Variants in DNAH3 observed in about 807,000 individuals in gnomAD.
DNAH3 encodes the protein dynein axonemal heavy chain 3.
In DNAH3, 332 loss-of-function variants were observed where a neutral mutation model predicts 432.5. That is an observed-to-expected ratio of 0.77 (90% CI 0.70 to 0.84). The LOEUF is 0.84. DNAH3 is among the 40% of genes least tolerant of loss of function. The pLI, the probability that DNAH3 is intolerant of heterozygous loss-of-function variation, is 0.00. For synonymous variants in DNAH3, 1,956 were observed against 1,900.2 expected (o/e 1.03, Z -0.76); for missense variants, 4,861 against 5,114.0 (o/e 0.95, Z 1.51).
intron 28 of DNAH3, among the ~76,000 whole-genome samples, chr16:21,052,131 A>T (rs2152744288): frequency 6.6e-6 from 1 of 152,236 alleles, no homozygotes; most frequent in Non-Finnish European, 1.5e-5. Context: ...AGCTGGGATT[A>T]TAGGCGCACG....
exon 28 of DNAH3, chr16:21,054,513 C>G (rs749568373): frequency 1.9e-6 from 3 of 1,614,064 alleles, no homozygotes; most frequent in East Asian, 4.5e-5. Context: ...GCAATCTGAT[C>G]ATTGCTCTTT....
intron 49 of DNAH3, among the ~76,000 whole-genome samples, chr16:20,981,499 C>T (rs1049946645): frequency 2.0e-5 from 3 of 151,984 alleles, no homozygotes; most frequent in South Asian, 2.1e-4. Flanking sequence ...TTTGGGAGGC[C>T]GAGGTGGGCA....
chr16:20,959,671 T>C (rs1397491945), intron 53 of DNAH3, among the ~76,000 whole-genome samples: 1 of 144,722 alleles, frequency 6.9e-6, no homozygotes, highest in African/African-American at 2.6e-5. Flanking sequence ...ACACAAAAGG[T>C]GGGGTTCACA....
chr16:21,105,838 G>A (rs2091932577), intron 15 of DNAH3, among the ~76,000 whole-genome samples: 1 of 152,122 alleles, frequency 6.6e-6, no homozygotes. Context: ...TCTGCATTTG[G>A]AAGTGACTTT....
rs776744687 is a variant in DNAH3, at chr16:20,948,608, C to T, written c.11218G>A (p.Asp3740Asn). The T allele has an allele frequency of 1.9e-6, 3 of 1,614,154 alleles. No homozygotes were observed. The highest frequency in any genetic ancestry group is 2.2e-5 in the East Asian group (1 of 44,876). The change falls in exon 57 of 62, where the codon GAT becomes AAT. Residue 3740 changes from aspartate (D) to asparagine (N), a missense_variant. Coordinates refer to ENST00000261383, the Ensembl canonical transcript of DNAH3. ...AGCAGGAGACGCCGGTCTTTGTCAT[C>T]AGTCACTCTGCCTCCGTAATTACAT...
In DNAH3 at chr16:20,987,970, C is replaced by G. The variant is rs146628898; in HGVS notation, c.6697G>C (p.Gly2233Arg). ...AAAAACATCACATCAAACCCTTTCC[C>G]GAAGTGCCAGTCAACAATCGAACTG... The change falls in exon 45 of 62, where the codon GGG becomes CGG. Residue 2233 changes from glycine to arginine, a missense_variant. By Grantham distance (125) the Gly-to-Arg change is moderately radical. Transcript: ENST00000261383. 1.9e-6 allele frequency: 3 copies of G among 1,614,154 alleles called. No individual in the cohort carries two copies. In the South Asian group the frequency reaches 3.3e-5, roughly 18 times the overall value.
At chr16:21,140,046 A>G (rs1329606215) in intron 5 of DNAH3, among the ~76,000 whole-genome samples, 1 of 151,292 alleles carries the variant, frequency 6.6e-6, no homozygotes, top group African/African-American at 2.4e-5. Context: ...CGGCCTCCCA[A>G]AGTGCTGGGA....
At chr16:21,086,759 T>C in intron 19 of DNAH3, 90 bp downstream of exon 19, 1 of 1,154,934 alleles carries the variant, frequency 8.7e-7, no homozygotes, top group Non-Finnish European at 1.3e-6. Flanking sequence ...AAGGAGAAGC[T>C]TGACCTAGTA....
intron 31 of DNAH3, among the ~76,000 whole-genome samples, chr16:21,045,282 C>T (rs1005168010): frequency 1.1e-4 from 16 of 151,692 alleles, no homozygotes; most frequent in South Asian, 4.2e-4. Flanking sequence ...TGGTAGAATT[C>T]GGCTGTGAAT....
intron 1 of DNAH3, among the ~76,000 whole-genome samples, chr16:21,147,929 C>G (rs923990916): frequency 3.9e-5 from 6 of 152,194 alleles, no homozygotes; most frequent in Non-Finnish European, 8.8e-5. Flanking sequence ...TTGGCCTGGA[C>G]TTATTGAGAG....
chr16:20,943,398 T>A (rs911115424), intron 58 of DNAH3, among the ~76,000 whole-genome samples: 4 of 151,896 alleles, frequency 2.6e-5, no homozygotes, highest in South Asian at 2.1e-4. Flanking sequence ...TTAAAAAAAA[T>A]TTTTTTGTAG....
At chr16:20,986,307 C>A (rs1295534498) in intron 47 of DNAH3, among the ~76,000 whole-genome samples, 2 of 151,830 alleles carry the variant, frequency 1.3e-5, no homozygotes, top group African/African-American at 4.8e-5. Flanking sequence ...GACTTCAAGA[C>A]CAGCCTGGGC....
At chr16:20,985,881 A>T (rs965938101) in intron 47 of DNAH3, among the ~76,000 whole-genome samples, 166 bp from the exon 48 acceptor site, 1 of 151,738 alleles carries the variant, frequency 6.6e-6, no homozygotes, top group Non-Finnish European at 1.5e-5. Flanking sequence ...TTTGAGACAG[A>T]GTCTCACTCT....
chr16:21,151,669 G>C (rs1346845511), intron 1 of DNAH3, among the ~76,000 whole-genome samples: 1 of 152,072 alleles, frequency 6.6e-6, no homozygotes, highest in Non-Finnish European at 1.5e-5. Context: ...GGGATAGTTT[G>C]ATCACCCAAC....
chr16:21,048,819 G>C (rs1405446628), intron 31 of DNAH3, among the ~76,000 whole-genome samples: 2 of 151,520 alleles, frequency 1.3e-5, no homozygotes, highest in African/African-American at 2.4e-5. Flanking sequence ...TCAGCCTCCC[G>C]AGTAGCTGGG....
intron 22 of DNAH3, among the ~76,000 whole-genome samples, chr16:21,070,101 C>T (rs567876483): frequency 2.6e-5 from 4 of 152,206 alleles, no homozygotes; most frequent in Admixed American, 2.6e-4. Flanking sequence ...CACAGGAGGC[C>T]AAACCCCTAT....
At chr16:20,972,446 G>A (rs1238110159) in intron 51 of DNAH3, among the ~76,000 whole-genome samples, 1 of 151,798 alleles carries the variant, frequency 6.6e-6, no homozygotes, top group East Asian at 1.9e-4. Context: ...TGTTACCTGG[G>A]CTGGTCTGAA....
chr16:20,977,075 A>C (rs2085627074), intron 50 of DNAH3, among the ~76,000 whole-genome samples: 1 of 152,036 alleles, frequency 6.6e-6, no homozygotes, highest in South Asian at 2.1e-4. Flanking sequence ...GCCATTTTTT[A>C]GACAATTAAA....
chr16:21,027,498 G>C (rs973468479), intron 37 of DNAH3, among the ~76,000 whole-genome samples: 1 of 152,168 alleles, frequency 6.6e-6, no homozygotes, highest in Non-Finnish European at 1.5e-5. Context: ...TTTAGTGATG[G>C]CCTTCCTACT....
Sources: gnomAD v4.1 joint callset for allele counts (sites outside exome capture counted in the v4.1 genomes callset) on GRCh38, gnomAD v4.1.1 for gene constraint, MANE v1.5 for transcripts, NCBI Gene and HGNC (gene_info 2026-07-23, HGNC 2026-07-21) for gene names.